LPAR1: variants seen among roughly 807,000 people sequenced by gnomAD.
The protein encoded by LPAR1 is lysophosphatidic acid receptor 1.
Under a neutral mutation model 23.8 loss-of-function variants are expected in LPAR1, and 5 were observed. That is an observed-to-expected ratio of 0.21 (90% CI 0.11 to 0.44). LPAR1 has a LOEUF of 0.44. Ranked by LOEUF, LPAR1 falls within the 20% of genes least tolerant of loss-of-function variation. The pLI, the probability that LPAR1 is intolerant of heterozygous loss-of-function variation, is 0.99. For missense variants in LPAR1, 311 were observed against 482.8 expected (o/e 0.64, Z 3.33); for synonymous variants, 160 against 164.7 (o/e 0.97, Z 0.22).
At chr9:110,919,317 T>C (rs1228466182) in intron 5 of LPAR1, among the ~76,000 whole-genome samples, 1 of 151,482 alleles carries the variant, frequency 6.6e-6, no homozygotes, top group Non-Finnish European at 1.5e-5. Flanking sequence ...CACAAGGAAA[T>C]GAATTCTACC....
chr9:110,980,981 T>C (rs767727728), intron 2 of LPAR1, among the ~76,000 whole-genome samples: 4 of 152,118 alleles, frequency 2.6e-5, no homozygotes, highest in Admixed American at 6.6e-5. Context: ...ATTTAATTTC[T>C]TCTGTAAATA....
chr9:111,012,078 T>C (rs2097341608), intron 2 of LPAR1, among the ~76,000 whole-genome samples: 1 of 152,148 alleles, frequency 6.6e-6, no homozygotes, highest in South Asian at 2.1e-4. Context: ...AGCGAGACCC[T>C]GTCTCTACAA....
intron 5 of LPAR1, among the ~76,000 whole-genome samples, chr9:110,909,729 G>GTATGTATTTATT (rs2092096172): frequency 6.8e-6 from 1 of 147,780 alleles, no homozygotes; most frequent in African/African-American, 2.5e-5. Flanking sequence ...ATTAAATAAA[G>GTATGTATTTATT]TATTTATTTA....
chr9:110,875,595 G>A lies in LPAR1; in HGVS notation c.921C>T (p.Asn307=), dbSNP rs1360866815. The part of the protein sequence containing the change: ...LLLAEFNSAM[N]PIIYSYRDKE... ...TGTCGCGGTAGGAGTAAATGATGGG[G>A]TTCATGGCAGAGTTGAATTCAGCAA... is the stretch of plus-strand genomic sequence containing the variant. The change falls in exon 6 of 6, where the codon AAC becomes AAT. Residue 307 remains asparagine (N), a synonymous_variant. Coordinates refer to ENST00000683809, the MANE Select transcript of LPAR1 (RefSeq NM_001351411.2). 2 of 1,614,076 alleles carry A rather than the reference G, an allele frequency of 1.2e-6. No homozygotes were observed. Among genetic ancestry groups the A allele is most frequent in the Non-Finnish European group, 8.5e-7 (1 of 1,180,012 alleles).
intron 2 of LPAR1, among the ~76,000 whole-genome samples, chr9:111,019,297 A>T (rs992281274): frequency 2.7e-4 from 41 of 152,284 alleles, no homozygotes; most frequent in African/African-American, 8.9e-4. Context: ...CTTCTCTATT[A>T]AAAATAATAA....
intron 5 of LPAR1, among the ~76,000 whole-genome samples, chr9:110,887,524 G>C (rs1428962009): frequency 6.6e-6 from 1 of 152,072 alleles, no homozygotes; most frequent in Non-Finnish European, 1.5e-5. Flanking sequence ...GGTACGGTCT[G>C]TTCTAATATG....
intron 4 of LPAR1, among the ~76,000 whole-genome samples, chr9:110,971,206 T>C (rs945886808): frequency 6.6e-6 from 1 of 152,016 alleles, no homozygotes; most frequent in African/African-American, 2.4e-5. Context: ...GGTCACACTA[T>C]AGAAAGAAGA....
intron 5 of LPAR1, among the ~76,000 whole-genome samples, chr9:110,911,897 C>G (rs988380590): frequency 1.3e-5 from 2 of 152,170 alleles, no homozygotes; most frequent in South Asian, 2.1e-4. Flanking sequence ...TATTTCCCAA[C>G]TGAGATCAGA....
At chr9:110,952,687 C>T (rs1300452070) in intron 4 of LPAR1, among the ~76,000 whole-genome samples, 2 of 152,176 alleles carry the variant, frequency 1.3e-5, no homozygotes, top group African/African-American at 2.4e-5. Context: ...TCTGTGGTTG[C>T]TGCCACTGAA....
At chr9:110,920,208 G>A (rs559342394) in intron 5 of LPAR1, among the ~76,000 whole-genome samples, 2 of 152,308 alleles carry the variant, frequency 1.3e-5, no homozygotes, top group African/African-American at 2.4e-5. Flanking sequence ...TCTAGCATGG[G>A]TGGAAGGTTT....
intron 5 of LPAR1, among the ~76,000 whole-genome samples, chr9:110,886,128 G>A (rs1056590832): frequency 1.2e-4 from 18 of 151,526 alleles, no homozygotes; most frequent in African/African-American, 3.9e-4. Context: ...AACCTGAGAG[G>A]TAGAGGTTGC....
At chr9:111,012,611 T>TCCAA (rs1323773028) in intron 2 of LPAR1, among the ~76,000 whole-genome samples, 1 of 152,040 alleles carries the variant, frequency 6.6e-6, no homozygotes, top group Non-Finnish European at 1.5e-5. Context: ...TCAGTTCCAG[T>TCCAA]CCAAGCTTGT....
At chr9:110,975,168 A>G (rs1243531102) in intron 2 of LPAR1, among the ~76,000 whole-genome samples, 3 of 152,258 alleles carry the variant, frequency 2.0e-5, no homozygotes, top group Non-Finnish European at 4.4e-5. Flanking sequence ...CTATGTCATT[A>G]AGCAATATAA....
In LPAR1 at chr9:111,011,524, T is replaced by C. The variant is rs182850826; in HGVS notation, c.-182+24598A>G. Among the ~76,000 whole-genome samples, 177 of 152,292 alleles carry C rather than the reference T, an allele frequency of 1.2e-3. 2 individuals are homozygous for C. Among genetic ancestry groups the C allele is most frequent in the East Asian group, 5.8e-4 (3 of 5,186 alleles). On this transcript the variant is annotated intron_variant, in intron 2 of 5. Transcript: ENST00000683809. Reference sequence around the variant, plus strand: ...TCTTTTGTAACCAAACTGAATCCCGTTCTTTAAACACTTCAAATCTTACCT... The same window carrying C: ...TCTTTTGTAACCAAACTGAATCCCGCTCTTTAAACACTTCAAATCTTACCT...
At chr9:110,922,475 C>G (rs1285091790) in intron 5 of LPAR1, among the ~76,000 whole-genome samples, 1 of 151,914 alleles carries the variant, frequency 6.6e-6, no homozygotes, top group African/African-American at 2.4e-5. Context: ...TGTGCAGTGC[C>G]CAACAGGTGC....
chr9:111,022,641 AGTT>A (rs1314288228), intron 2 of LPAR1, among the ~76,000 whole-genome samples: 2 of 152,228 alleles, frequency 1.3e-5, no homozygotes, highest in African/African-American at 4.8e-5. Flanking sequence ...AATTATGCAT[AGTT>A]ACTAAATTGG....
At chr9:111,003,227 A>C (rs2097160473) in intron 2 of LPAR1, among the ~76,000 whole-genome samples, 1 of 152,170 alleles carries the variant, frequency 6.6e-6, no homozygotes, top group Admixed American at 6.5e-5. Context: ...GAAATGTGTA[A>C]GTTTTATATA....
Position 110,942,118 on chromosome 9 carries a change from G to T in LPAR1, c.96C>A (p.Phe32Leu). 1 of 1,614,080 alleles carries T rather than the reference G, an allele frequency of 6.2e-7. No individual in the cohort carries two copies. Among genetic ancestry groups the T allele is most frequent in the Non-Finnish European group, 8.5e-7 (1 of 1,179,970 alleles). The change falls in exon 5 of 6, where the codon TTC becomes TTA. Residue 32 changes from phenylalanine (F) to leucine (L), a missense_variant. Coordinates refer to ENST00000683809, the MANE Select transcript of LPAR1 (RefSeq NM_001351411.2). ...GATGCTTTCCACTTCGGTTATAAAA[G>T]AAGGCAATGGACTCGTTGTAGAAGC... ...PQCFYNESIA[F>L]FYNRSGKHLA...
chr9:110,883,779 A>G (rs555000048), intron 5 of LPAR1, among the ~76,000 whole-genome samples: 3 of 152,274 alleles, frequency 2.0e-5, no homozygotes, highest in South Asian at 4.1e-4. Context: ...TTAATTATAC[A>G]ATTTATCCCC....
Sources: allele counts gnomAD v4.1 joint callset (sites outside exome capture counted in the v4.1 genomes callset), GRCh38; gene constraint gnomAD v4.1.1; transcripts MANE v1.5; gene names NCBI Gene and HGNC (gene_info 2026-07-23, HGNC 2026-07-21).